GNAS-AS1: variants seen among roughly 807,000 people sequenced by gnomAD.
GNAS-AS1 encodes the protein GNAS antisense RNA 1.
At chr20:58,825,126 T>C (rs2085511322) in intron 4 of GNAS-AS1, among the ~76,000 whole-genome samples, 1 of 152,246 alleles carries the variant, frequency 6.6e-6, no homozygotes, top group Admixed American at 6.5e-5. Context: ...GTTGACTTAT[T>C]ATTAGACAAC....
At chr20:58,826,240 T>C (rs1175499095) in intron 4 of GNAS-AS1, 1 of 395,404 alleles carries the variant, frequency 2.5e-6, no homozygotes, top group Non-Finnish European at 4.5e-6. Context: ...ACTGAACATA[T>C]ACATTTTTTT....
chr20:58,837,194 C>A (rs2085609406), intron 4 of GNAS-AS1, among the ~76,000 whole-genome samples: 1 of 152,142 alleles, frequency 6.6e-6, no homozygotes. Flanking sequence ...GCCCTGAAAT[C>A]AGCTTGAATA....
chr20:58,839,004 C>G, intron 4 of GNAS-AS1: 1 of 398,284 alleles, frequency 2.5e-6, no homozygotes, highest in Non-Finnish European at 4.4e-6. Context: ...TGAACTGCCC[C>G]GCAGGAGAGA....
At chr20:58,829,392 A>C (rs188831447) in intron 4 of GNAS-AS1, among the ~76,000 whole-genome samples, 1 of 152,218 alleles carries the variant, frequency 6.6e-6, no homozygotes. Flanking sequence ...AAAATAGACA[A>C]CTTGATTTTG....
chr20:58,831,868 C>A (rs1406249309), intron 4 of GNAS-AS1, among the ~76,000 whole-genome samples: 3 of 152,114 alleles, frequency 2.0e-5, no homozygotes, highest in Admixed American at 2.0e-4. Flanking sequence ...GCCTCAAAAT[C>A]AAGAATCAAA....
intron 2 of GNAS-AS1, among the ~76,000 whole-genome samples, chr20:58,844,920 G>C (rs894703623): frequency 3.4e-4 from 51 of 152,198 alleles, no homozygotes; most frequent in African/African-American, 1.2e-3. Context: ...CTGCTTTACA[G>C]TTGGTTGCAA....
At chr20:58,849,621 C>T (rs900376798) in intron 1 of GNAS-AS1, among the ~76,000 whole-genome samples, 5 of 152,212 alleles carry the variant, frequency 3.3e-5, no homozygotes, top group Non-Finnish European at 7.3e-5. Flanking sequence ...GCCAGCCCCT[C>T]CCACTGACTT....
At position 58,833,747 on chromosome 20, in the gene GNAS-AS1, G is replaced by A. The variant is rs1390854012; in HGVS notation, n.819+8190C>T. On this transcript the variant is annotated intron_variant and non_coding_transcript_variant, in intron 4 of 4. Coordinates refer to ENST00000424094, the Ensembl canonical transcript of GNAS-AS1. ...CACATCCTAACACCAGCACGAGGCA[G>A]GACCTCATCTTCACTGGACTGTCTT... The A allele has an allele frequency of 2.0e-5, 3 of 152,322 alleles. No homozygotes were observed. The East Asian group carries it at 5.8e-4, about 29-fold the overall frequency. 9.4% of individuals were successfully genotyped at this position (152,322 alleles called of 1,614,324 possible). A position where few individuals can be genotyped will look rare whatever the true frequency, so the allele number is the denominator to read the frequency against.
intron 4 of GNAS-AS1, among the ~76,000 whole-genome samples, chr20:58,823,510 C>T (rs1311088451): frequency 3.3e-5 from 5 of 152,154 alleles, no homozygotes; most frequent in East Asian, 1.9e-4. Flanking sequence ...CGGTGATGTC[C>T]GCCACAGCTG....
In GNAS-AS1 at chr20:58,841,972, G is replaced by C. The variant is rs912118996; in HGVS notation, n.784C>G. 1.0e-5 allele frequency: 11 copies of C among 1,073,868 alleles called. No homozygotes were observed. The highest frequency in any genetic ancestry group is 6.8e-4 in the Middle Eastern group (2 of 2,938). The allele number at this position is 1,073,868 out of a possible 1,614,324, so 66.5% of individuals were successfully genotyped here. A position where few individuals can be genotyped will look rare whatever the true frequency, so the allele number is the denominator to read the frequency against. On this transcript the variant is annotated non_coding_transcript_exon_variant, in exon 4 of 5. Transcript: ENST00000424094. This position sits in a 1 kb window ranked among gnomAD's most constrained non-coding sequence, Gnocchi z 5.0. ...CAAAGAGCGCGGTACGCGCAGAGCT[G>C]GGGAAAGGTGTTGGATCCGGCGCCA...
intron 4 of GNAS-AS1, among the ~76,000 whole-genome samples, chr20:58,833,498 A>G (rs2145459906): frequency 6.6e-6 from 1 of 152,306 alleles, no homozygotes; most frequent in Admixed American, 6.5e-5. Flanking sequence ...GGGCCCTATT[A>G]GGAATCCTAT....
At chr20:58,821,572 G>A (rs545391397) in intron 4 of GNAS-AS1, among the ~76,000 whole-genome samples, 17 of 152,316 alleles carry the variant, frequency 1.1e-4, no homozygotes, top group African/African-American at 3.6e-4. Flanking sequence ...AAATCAGTAA[G>A]AGGAAGGGCT....
chr20:58,844,815 A>AC (rs571572271), intron 2 of GNAS-AS1, among the ~76,000 whole-genome samples: 1 of 152,028 alleles, frequency 6.6e-6, no homozygotes, highest in East Asian at 1.9e-4. Flanking sequence ...AAACAAAACA[A>AC]AACAACAACA....
intron 4 of GNAS-AS1, among the ~76,000 whole-genome samples, chr20:58,830,471 ACCATCAT>A (rs2085555430): frequency 9.8e-6 from 1 of 102,432 alleles, no homozygotes; most frequent in Non-Finnish European, 2.0e-5. Flanking sequence ...CCACCACACC[ACCATCAT>A]CACCATCACC....
intron 4 of GNAS-AS1, among the ~76,000 whole-genome samples, chr20:58,830,914 T>G (rs2085565033): frequency 6.6e-6 from 1 of 151,994 alleles, no homozygotes; most frequent in African/African-American, 2.4e-5. Flanking sequence ...CTAAATACTG[T>G]CAGAGAAAAG....
chr20:58,822,934 G>C (rs951243479), intron 4 of GNAS-AS1, among the ~76,000 whole-genome samples: 4 of 152,076 alleles, frequency 2.6e-5, no homozygotes, highest in African/African-American at 9.7e-5. Flanking sequence ...CCCTGTCCTT[G>C]GTGCTTTCAC....
In GNAS-AS1 at chr20:58,840,473, A is replaced by G. The variant is rs1131691907; in HGVS notation, n.819+1464T>C. 6.2e-7 allele frequency: 1 copy of G among 1,613,436 alleles called. No individual in the cohort carries two copies. Among genetic ancestry groups the G allele is most frequent in the South Asian group, 1.1e-5 (1 of 91,040 alleles). On this transcript the variant is annotated intron_variant and non_coding_transcript_variant, in intron 4 of 4. Coordinates refer to ENST00000424094, the Ensembl canonical transcript of GNAS-AS1. The surrounding 1 kb of genome is among the most constrained non-coding windows in gnomAD (Gnocchi z 6.0). ...GACCGAGTCCGAAATCGAGTCCGAGACCGACTTCGAGACCGAGCCTGAGAC... is the reference window on the plus strand; with the variant it reads ...GACCGAGTCCGAAATCGAGTCCGAGGCCGACTTCGAGACCGAGCCTGAGAC...
intron 2 of GNAS-AS1, among the ~76,000 whole-genome samples, chr20:58,847,347 G>A (rs938089717): frequency 2.6e-5 from 4 of 152,074 alleles, no homozygotes; most frequent in African/African-American, 4.8e-5. Context: ...GCCTGGCCAC[G>A]CAGACCCCTC....
In GNAS-AS1 at chr20:58,820,755, G is replaced by A. The variant is rs369828535; in HGVS notation, n.820-1500C>T. On this transcript the variant is annotated intron_variant and non_coding_transcript_variant, in intron 4 of 4. Coordinates refer to ENST00000424094, the Ensembl canonical transcript of GNAS-AS1. ...GCAGGCAAAGAGAGAGAGCGCTTGC[G>A]CAGGCAAACTCCCGTTTTTTAAAAC... Among the ~76,000 whole-genome samples the A allele has an allele frequency of 1.5e-4, 23 of 152,362 alleles. No homozygotes were observed. The East Asian group carries it at 2.9e-3, about 19-fold the overall frequency.
Sources: allele counts gnomAD v4.1 joint callset (sites outside exome capture counted in the v4.1 genomes callset), GRCh38; gene constraint gnomAD v4.1.1; non-coding constraint Gnocchi (gnomAD v3.1); transcripts MANE v1.5; gene names NCBI Gene and HGNC (gene_info 2026-07-23, HGNC 2026-07-21).